Variants in ELMO1 observed in about 807,000 individuals in gnomAD.
ELMO1 encodes engulfment and cell motility protein 1.
Under a neutral mutation model 98.9 loss-of-function variants are expected in ELMO1, and 26 were observed. The ratio of observed to expected loss-of-function variants is 0.26; its 90% confidence interval spans 0.19 to 0.36. The LOEUF is 0.36. ELMO1 is among the 10% of genes least tolerant of loss of function. ELMO1 has a pLI of 1.00. For synonymous variants in ELMO1, 346 were observed against 346.0 expected (o/e 1.00, Z 0.00); for missense variants, 627 against 935.2 (o/e 0.67, Z 4.30).
intron 14 of ELMO1, among the ~76,000 whole-genome samples, chr7:37,100,061 C>T (rs1315264187): frequency 6.6e-6 from 1 of 152,082 alleles, no homozygotes; most frequent in Non-Finnish European, 1.5e-5. Flanking sequence ...TCTCGAACTC[C>T]AGACCTCAGG....
intron 13 of ELMO1, among the ~76,000 whole-genome samples, chr7:37,150,551 T>A (rs1788291130): frequency 2.0e-5 from 3 of 152,182 alleles, no homozygotes; most frequent in Admixed American, 6.5e-5. Flanking sequence ...GGTAGAAATA[T>A]AAAATGCATG....
chr7:37,289,752 TC>T (rs1227164556), intron 4 of ELMO1, among the ~76,000 whole-genome samples: 1 of 145,972 alleles, frequency 6.9e-6, no homozygotes. Flanking sequence ...GAGATTTTTT[TC>T]CCTCTATCTT....
chr7:36,942,902 C>A (rs1486226620), intron 16 of ELMO1, among the ~76,000 whole-genome samples: 1 of 152,176 alleles, frequency 6.6e-6, no homozygotes. Flanking sequence ...AAAAGATGTC[C>A]AAGGATCTGG....
intron 2 of ELMO1, among the ~76,000 whole-genome samples, chr7:37,329,529 G>C (rs1421860610): frequency 1.3e-5 from 2 of 152,150 alleles, no homozygotes; most frequent in Admixed American, 1.3e-4. Context: ...AATGACAGGG[G>C]ATTGCACTGG....
intron 16 of ELMO1, among the ~76,000 whole-genome samples, chr7:36,897,325 C>CGTGTGTGTGTGTGTGTGTGTGTGT (rs11267559): frequency 1.5e-3 from 71 of 46,910 alleles, no homozygotes; most frequent in South Asian, 2.4e-3. Context: ...AGAAAACAGA[C>CGTGTGTGTGTGTGTGTGTGTGTGT]GTGTGTGTGT....
At position 36,877,060 on chromosome 7, in the gene ELMO1, C is replaced by G. The variant is rs180948211; in HGVS notation, c.1822+950G>C. Among the ~76,000 whole-genome samples, 20 of 152,294 alleles carry G rather than the reference C, an allele frequency of 1.3e-4. No individual in the cohort carries two copies. The East Asian group carries it at 3.9e-3, about 29-fold the overall frequency. On this transcript the variant is annotated intron_variant, in intron 19 of 21. Transcript: ENST00000310758. ...ATTTCCCACTCATGGGTTATTTTCA[C>G]CTTCAATGGCCGTGAGCTGTGAGGA...
intron 13 of ELMO1, among the ~76,000 whole-genome samples, chr7:37,174,737 G>A (rs546945565): frequency 6.7e-4 from 102 of 152,252 alleles, no homozygotes; most frequent in African/African-American, 2.4e-3. Flanking sequence ...CTGGCACACT[G>A]TTAATTACAT....
In ELMO1 at chr7:37,094,191, C is replaced by A. The variant is rs142311824; in HGVS notation, c.1300+2428G>T. ...GAGAGACTGCTTTGACAATGCCAGG[C>A]CTCAGCTGTCCAAGCCCAGTCTCAA... On this transcript the variant is annotated intron_variant, in intron 15 of 21. Coordinates refer to ENST00000310758, the MANE Select transcript of ELMO1 (RefSeq NM_014800.11). Among the ~76,000 whole-genome samples the A allele has an allele frequency of 1.3e-4, 20 of 152,286 alleles. No individual in the cohort carries two copies. In the East Asian group the frequency reaches 3.7e-3, roughly 28 times the overall value.
intron 5 of ELMO1, among the ~76,000 whole-genome samples, chr7:37,264,879 C>A (rs1205706504): frequency 6.6e-6 from 1 of 152,188 alleles, no homozygotes; most frequent in African/African-American, 2.4e-5. Flanking sequence ...AAACTTCTAG[C>A]ATAACTCTGG....
chr7:37,341,285 C>T (rs1800704688), intron 2 of ELMO1, among the ~76,000 whole-genome samples: 1 of 152,216 alleles, frequency 6.6e-6, no homozygotes, highest in Admixed American at 6.5e-5. Flanking sequence ...AGCCACTGGT[C>T]TCTTAGGCTG....
intron 13 of ELMO1, among the ~76,000 whole-genome samples, chr7:37,206,139 T>C (rs926903826): frequency 4.6e-5 from 7 of 152,210 alleles, no homozygotes. Context: ...TCCAATAATA[T>C]TAATATCAAT....
At chr7:37,262,709 G>T (rs1345474368) in intron 5 of ELMO1, among the ~76,000 whole-genome samples, 1 of 152,206 alleles carries the variant, frequency 6.6e-6, no homozygotes, top group African/African-American at 2.4e-5. Context: ...CTAAAGAGGA[G>T]GGGAGGACTG....
intron 1 of ELMO1, among the ~76,000 whole-genome samples, chr7:37,403,601 G>A (rs1803625781): frequency 6.6e-6 from 1 of 152,132 alleles, no homozygotes; most frequent in African/African-American, 2.4e-5. Flanking sequence ...CTGGAGTGCA[G>A]TGACATGATC....
intron 15 of ELMO1, among the ~76,000 whole-genome samples, chr7:37,039,801 T>G (rs1251332550): frequency 1.3e-5 from 2 of 152,228 alleles, no homozygotes; most frequent in Non-Finnish European, 2.9e-5. Context: ...TTTGTTGACA[T>G]GAATTAATCT....
At chr7:37,087,727 T>G (rs1783863755) in intron 15 of ELMO1, among the ~76,000 whole-genome samples, 1 of 152,242 alleles carries the variant, frequency 6.6e-6, no homozygotes, top group Non-Finnish European at 1.5e-5. Flanking sequence ...TCATTTTACT[T>G]TTTATTTGCC....
intron 13 of ELMO1, among the ~76,000 whole-genome samples, chr7:37,179,823 G>GC (rs1584771196): frequency 6.6e-6 from 1 of 152,180 alleles, no homozygotes; most frequent in East Asian, 1.9e-4. Flanking sequence ...TCTCAAGGTA[G>GC]CGAGGTGCTT....
chr7:36,926,130 C>T (rs552580901), intron 16 of ELMO1, among the ~76,000 whole-genome samples: 3 of 152,222 alleles, frequency 2.0e-5, no homozygotes, highest in South Asian at 4.1e-4. Context: ...TTTTCCTGAA[C>T]GTGTTACATA....
At position 37,259,186 on chromosome 7, in the gene ELMO1, G is replaced by A. The variant is rs1441602933; in HGVS notation, c.408C>T (p.Gly136=). Reference sequence around the variant, plus strand: ...TTAGGAAAAAAGACGCTTACTCAGTGCCGCTCTCCACCATCTGCGTGAGGA... The same window carrying A: ...TTAGGAAAAAAGACGCTTACTCAGTACCGCTCTCCACCATCTGCGTGAGGA... ...ISLLTQMVES[G]TERYQKLQKI... The change falls in exon 6 of 22, where the codon GGC becomes GGT. Residue 136 remains glycine, a synonymous_variant. Transcript: ENST00000310758. 1.2e-6 allele frequency: 2 copies of A among 1,613,304 alleles called. No homozygotes were observed. The highest frequency in any genetic ancestry group is 1.7e-6 in the Non-Finnish European group (2 of 1,179,520).
At chr7:37,021,910 T>C (rs1055543690) in intron 15 of ELMO1, among the ~76,000 whole-genome samples, 1 of 152,122 alleles carries the variant, frequency 6.6e-6, no homozygotes, top group Non-Finnish European at 1.5e-5. Context: ...CAGTGTGGTA[T>C]TGGTGTATGG....
Sources: gnomAD v4.1 joint callset for allele counts (sites outside exome capture counted in the v4.1 genomes callset) on GRCh38, gnomAD v4.1.1 for gene constraint, MANE v1.5 for transcripts, NCBI Gene and HGNC (gene_info 2026-07-23, HGNC 2026-07-21) for gene names.